SLC35F3: variants seen among roughly 807,000 people sequenced by gnomAD.
SLC35F3 encodes the protein solute carrier family 35 member F3, also known as putative thiamine transporter SLC35F3.
SLC35F3 carries 25 observed loss-of-function variants against 49.9 expected under a neutral mutation model. The observed-to-expected ratio is 0.50, with a 90% CI of 0.37 to 0.70. The LOEUF (loss-of-function observed/expected upper bound fraction) is 0.70, where lower values mean the gene tolerates loss of function less well. Among genes scored for constraint, SLC35F3 ranks in the 30% least tolerant of loss-of-function variants. SLC35F3 has a pLI of 0.00. For missense variants in SLC35F3, 525 were observed against 639.8 expected, an observed-to-expected ratio of 0.82 and a Z score of 1.94; for synonymous variants, 275 against 265.4, an observed-to-expected ratio of 1.04 and a Z score of -0.35.
chr1:234,270,908 TAGA>T (rs1173328205), intron 3 of SLC35F3, among the ~76,000 whole-genome samples: 1 of 152,228 alleles, frequency 6.6e-6, no homozygotes, highest in Non-Finnish European at 1.5e-5. Flanking sequence ...ATCATGCTTA[TAGA>T]AGGTTTAGTG....
At chr1:233,962,210 T>C (rs1373074221) in intron 2 of SLC35F3, among the ~76,000 whole-genome samples, 1 of 152,262 alleles carries the variant, frequency 6.6e-6, no homozygotes, top group Non-Finnish European at 1.5e-5. Context: ...ACCATTTATA[T>C]AATATGCATT....
intron 2 of SLC35F3, among the ~76,000 whole-genome samples, chr1:234,088,140 G>C (rs1210064904): frequency 6.6e-6 from 1 of 152,144 alleles, no homozygotes; most frequent in African/African-American, 2.4e-5. Context: ...GCAGATAGAA[G>C]GTACTCAGTA....
At chr1:233,937,131 C>A (rs1280824468) in intron 2 of SLC35F3, among the ~76,000 whole-genome samples, 1 of 152,114 alleles carries the variant, frequency 6.6e-6, no homozygotes, top group Non-Finnish European at 1.5e-5. Context: ...AAATAAGATA[C>A]TTCCTCAAGT....
At chr1:234,051,237 C>A (rs1386919484) in intron 2 of SLC35F3, among the ~76,000 whole-genome samples, 1 of 152,124 alleles carries the variant, frequency 6.6e-6, no homozygotes, top group African/African-American at 2.4e-5. Flanking sequence ...GGCAGTATGA[C>A]CATTTTCACA....
intron 2 of SLC35F3, among the ~76,000 whole-genome samples, chr1:234,124,508 T>C (rs1014430043): frequency 7.2e-5 from 11 of 152,160 alleles, no homozygotes; most frequent in African/African-American, 2.7e-4. Flanking sequence ...ACCATATATG[T>C]ACTGAAAACA....
chr1:234,223,165 ACTGT>A (rs1667235299), intron 2 of SLC35F3, among the ~76,000 whole-genome samples: 1 of 152,200 alleles, frequency 6.6e-6, no homozygotes, highest in African/African-American at 2.4e-5. Context: ...ACATTCCAGG[ACTGT>A]CTTAAATCCA....
At chr1:234,007,469 G>A (rs1663647603) in intron 2 of SLC35F3, among the ~76,000 whole-genome samples, 1 of 152,172 alleles carries the variant, frequency 6.6e-6, no homozygotes, top group Non-Finnish European at 1.5e-5. Context: ...GCAGAATGAG[G>A]GAGTGGAAGA....
intron 2 of SLC35F3, among the ~76,000 whole-genome samples, chr1:234,058,645 C>T (rs1664492936): frequency 6.6e-6 from 1 of 151,980 alleles, no homozygotes; most frequent in Non-Finnish European, 1.5e-5. Flanking sequence ...GTGCCCAGTC[C>T]CTGGATTTTG....
intron 7 of SLC35F3, among the ~76,000 whole-genome samples, chr1:234,321,374 T>C (rs1657616608): frequency 6.6e-6 from 1 of 152,172 alleles, no homozygotes; most frequent in African/African-American, 2.4e-5. Context: ...ATACCTACCC[T>C]TGCTACTTCG....
intron 2 of SLC35F3, among the ~76,000 whole-genome samples, chr1:233,925,619 T>A (rs1662144472): frequency 6.6e-6 from 1 of 152,216 alleles, no homozygotes; most frequent in Non-Finnish European, 1.5e-5. Context: ...ATTGGAGCAT[T>A]TAGCCCATTT....
intron 2 of SLC35F3, among the ~76,000 whole-genome samples, chr1:234,008,485 C>G (rs773694582): frequency 2.0e-5 from 3 of 152,088 alleles, no homozygotes; most frequent in Non-Finnish European, 4.4e-5. Context: ...TTCTTTTTGT[C>G]CTTGATGGTA....
At chr1:233,951,440 T>C (rs1439820745) in intron 2 of SLC35F3, among the ~76,000 whole-genome samples, 2 of 152,026 alleles carry the variant, frequency 1.3e-5, no homozygotes, top group African/African-American at 2.4e-5. Flanking sequence ...CCTCTACAGG[T>C]GTACCTTTCT....
intron 2 of SLC35F3, among the ~76,000 whole-genome samples, chr1:234,030,055 ATG>A (rs1664036040): frequency 1.3e-5 from 2 of 152,210 alleles, no homozygotes; most frequent in African/African-American, 4.8e-5. Context: ...TAAATTAAAT[ATG>A]TATAATTAAA....
intron 2 of SLC35F3, among the ~76,000 whole-genome samples, chr1:234,025,667 A>G (rs1490726065): frequency 6.6e-6 from 1 of 151,888 alleles, no homozygotes; most frequent in Non-Finnish European, 1.5e-5. Context: ...TAATGGGATT[A>G]TTTGGGTTTT....
chr1:234,014,857 T>A (rs952296646), intron 2 of SLC35F3, among the ~76,000 whole-genome samples: 3 of 152,192 alleles, frequency 2.0e-5, no homozygotes, highest in Non-Finnish European at 4.4e-5. Flanking sequence ...GTATTCTGCA[T>A]TCATGGATAA....
chr1:234,212,926 C>A (rs1432554587), intron 2 of SLC35F3: 2 of 152,220 alleles, frequency 1.3e-5, no homozygotes, highest in Non-Finnish European at 2.9e-5. Flanking sequence ...GGAGGGGTAC[C>A]ACTAGAGGGC....
intron 2 of SLC35F3, among the ~76,000 whole-genome samples, chr1:234,099,096 T>C (rs1268282302): frequency 6.6e-6 from 1 of 152,082 alleles, no homozygotes; most frequent in African/African-American, 2.4e-5. Flanking sequence ...CTTTCCTATA[T>C]TCCACATGTT....
At chr1:233,959,592 A>G (rs1558189772) in intron 2 of SLC35F3, among the ~76,000 whole-genome samples, 2 of 151,410 alleles carry the variant, frequency 1.3e-5, no homozygotes, top group Admixed American at 1.3e-4. Flanking sequence ...CATGAATGTC[A>G]GTCAGGTTTT....
intron 2 of SLC35F3, among the ~76,000 whole-genome samples, chr1:234,135,395 G>A (rs1305122252): frequency 2.0e-5 from 3 of 152,160 alleles, no homozygotes; most frequent in Admixed American, 6.5e-5. Context: ...AAGAATGGAT[G>A]AATGGATGCA....
Sources: allele counts gnomAD v4.1 joint callset (sites outside exome capture counted in the v4.1 genomes callset), GRCh38; gene constraint gnomAD v4.1.1; transcripts MANE v1.5; gene names NCBI Gene and HGNC (gene_info 2026-07-23, HGNC 2026-07-21).